SMOC2: variants seen among roughly 807,000 people sequenced by gnomAD.
The protein encoded by SMOC2 is SPARC related modular calcium binding 2.
Under a neutral mutation model 61.4 loss-of-function variants are expected in SMOC2, and 39 were observed. The ratio of observed to expected loss-of-function variants is 0.64; its 90% confidence interval spans 0.49 to 0.83. The LOEUF is 0.83. Ranked by LOEUF, SMOC2 falls within the 40% of genes least tolerant of loss-of-function variation. SMOC2 has a pLI of 0.00. For missense variants in SMOC2, 556 were observed against 592.9 expected (o/e 0.94, Z 0.65); for synonymous variants, 247 against 239.9 (o/e 1.03, Z -0.27).
At chr6:168,615,343 G>GGA (rs1786046902) in intron 9 of SMOC2, among the ~76,000 whole-genome samples, 1 of 67,936 alleles carries the variant, frequency 1.5e-5, no homozygotes, top group Non-Finnish European at 2.9e-5. Context: ...CCAGCACAGG[G>GGA]CCTCTTCACA....
chr6:168,467,310 G>T (rs1048493481), intron 1 of SMOC2, among the ~76,000 whole-genome samples: 7 of 145,880 alleles, frequency 4.8e-5, no homozygotes, highest in African/African-American at 1.5e-4. Flanking sequence ...CCCTGCTAAG[G>T]TTTTTTTTTT....
At chr6:168,554,132 G>A (rs938250940) in intron 7 of SMOC2, among the ~76,000 whole-genome samples, 2 of 151,404 alleles carry the variant, frequency 1.3e-5, no homozygotes, top group East Asian at 1.9e-4. Flanking sequence ...TTTGAACTGC[G>A]TGTGCTGTGC....
chr6:168,666,289 A>G, intron 12 of SMOC2, 132 bp from the exon 13 acceptor site: 1 of 620,068 alleles, frequency 1.6e-6, no homozygotes, highest in Non-Finnish European at 2.7e-6. Context: ...TTTCTTACTC[A>G]TACTTACACC....
At chr6:168,528,448 A>G (rs1373757272) in intron 4 of SMOC2, among the ~76,000 whole-genome samples, 1 of 152,244 alleles carries the variant, frequency 6.6e-6, no homozygotes, top group African/African-American at 2.4e-5. Context: ...AAACACATCA[A>G]TATAAAGCAA....
chr6:168,609,055 A>G (rs1785785204), intron 9 of SMOC2, among the ~76,000 whole-genome samples: 1 of 152,278 alleles, frequency 6.6e-6, no homozygotes, highest in South Asian at 2.1e-4. Flanking sequence ...TGTTCGGCTT[A>G]TAAATGAGGA....
chr6:168,633,567 C>T (rs1786627847), intron 9 of SMOC2, among the ~76,000 whole-genome samples: 1 of 150,788 alleles, frequency 6.6e-6, no homozygotes, highest in Non-Finnish European at 1.5e-5. Flanking sequence ...TTACCCCAAA[C>T]AAAAAAAAAT....
chr6:168,606,839 A>G (rs1177607367), intron 8 of SMOC2, among the ~76,000 whole-genome samples: 1 of 151,946 alleles, frequency 6.6e-6, no homozygotes, highest in African/African-American at 2.4e-5. Context: ...GTGCCCCATG[A>G]TGGTGTTGGC....
chr6:168,527,772 G>T lies in SMOC2; in HGVS notation c.463+45G>T, dbSNP rs760760367. On this transcript the variant is annotated intron_variant, in intron 4 of 12. Coordinates refer to ENST00000356284, the MANE Select transcript of SMOC2 (RefSeq NM_001166412.2). ...CCAAGTGGAAGGCTTGAAGGGAATT[G>T]GTTTGCCGTTTCTTCTCATCATCTT... is the stretch of plus-strand genomic sequence containing the variant. The T allele has an allele frequency of 3.6e-5, 47 of 1,302,784 alleles. No individual in the cohort carries two copies. The African/African-American group carries it at 5.7e-4, about 16-fold the overall frequency. 80.7% of individuals were successfully genotyped at this position (1,302,784 alleles called of 1,614,324 possible).
intron 1 of SMOC2, among the ~76,000 whole-genome samples, chr6:168,502,596 C>T (rs1035098024): frequency 1.3e-5 from 2 of 152,288 alleles, no homozygotes; most frequent in Admixed American, 1.3e-4. Flanking sequence ...GTCAGGAATG[C>T]CGATGGGACC....
At chr6:168,518,991 A>G (rs990253911) in intron 2 of SMOC2, among the ~76,000 whole-genome samples, 16 of 137,936 alleles carry the variant, frequency 1.2e-4, no homozygotes, top group Non-Finnish European at 2.3e-4. Flanking sequence ...ATGCGTGTGT[A>G]TGCGTGCATG....
At chr6:168,537,567 T>C (rs1423151530) in intron 4 of SMOC2, among the ~76,000 whole-genome samples, 2 of 152,224 alleles carry the variant, frequency 1.3e-5, no homozygotes, top group Non-Finnish European at 2.9e-5. Flanking sequence ...CCTAATACAG[T>C]GCTCTGCAGG....
Position 168,509,529 on chromosome 6 carries a change from T to TGATGAATGTGGAGGCAAATTAGTC in SMOC2, c.85-361_85-338dup, listed in dbSNP as rs67818607. Among the ~76,000 whole-genome samples the TGATGAATGTGGAGGCAAATTAGTC allele has an allele frequency of 6.6e-5, 10 of 151,946 alleles. 2 individuals carry two copies. The highest frequency in any genetic ancestry group is 2.4e-4 in the African/African-American group (10 of 41,456). On this transcript the variant is annotated intron_variant, in intron 1 of 12. Transcript: ENST00000356284. ...TCACTTCCAAAAGAATGGTACAATG[T>TGATGAATGTGGAGGCAAATTAGTC]GATGAATGTGGAGGCAAATTAGTCG...
chr6:168,483,525 C>T (rs563274230), intron 1 of SMOC2, among the ~76,000 whole-genome samples: 1 of 152,234 alleles, frequency 6.6e-6, no homozygotes, highest in South Asian at 2.1e-4. Context: ...GTCCATACTA[C>T]TCAAAGACAC....
intron 8 of SMOC2, among the ~76,000 whole-genome samples, chr6:168,603,068 G>T (rs1785594185): frequency 6.6e-6 from 1 of 152,030 alleles, no homozygotes; most frequent in Non-Finnish European, 1.5e-5. Context: ...TCTCGTGATA[G>T]TGAGTGAGTT....
intron 1 of SMOC2, among the ~76,000 whole-genome samples, chr6:168,490,449 C>T (rs963669253): frequency 1.1e-4 from 16 of 152,092 alleles, no homozygotes; most frequent in South Asian, 2.1e-4. Context: ...CAGAGGGGAC[C>T]TTTCACTGGG....
At chr6:168,499,374 T>G (rs1782671841) in intron 1 of SMOC2, among the ~76,000 whole-genome samples, 2 of 152,368 alleles carry the variant, frequency 1.3e-5, no homozygotes, top group South Asian at 2.1e-4. Context: ...TCATTTAACC[T>G]CTGTAATCTT....
intron 2 of SMOC2, among the ~76,000 whole-genome samples, chr6:168,523,563 T>A (rs1783383550): frequency 2.1e-5 from 3 of 145,724 alleles, no homozygotes; most frequent in Non-Finnish European, 3.0e-5. Flanking sequence ...AATTTTTTTT[T>A]TTATTATTTT....
intron 1 of SMOC2, among the ~76,000 whole-genome samples, chr6:168,495,882 C>T (rs1412763198): frequency 6.6e-6 from 1 of 152,246 alleles, no homozygotes; most frequent in Non-Finnish European, 1.5e-5. Context: ...CCCTGCCCTC[C>T]TTGGCCTCCT....
chr6:168,523,720 T>A (rs927821379), intron 2 of SMOC2, among the ~76,000 whole-genome samples: 1 of 152,056 alleles, frequency 6.6e-6, no homozygotes, highest in Non-Finnish European at 1.5e-5. Context: ...ATTTAAAAAA[T>A]TATGTTGCTT....
Sources: gnomAD v4.1 joint callset for allele counts (sites outside exome capture counted in the v4.1 genomes callset) on GRCh38, gnomAD v4.1.1 for gene constraint, MANE v1.5 for transcripts, NCBI Gene and HGNC (gene_info 2026-07-23, HGNC 2026-07-21) for gene names.